Variants in GARRE1 observed in about 807,000 individuals in gnomAD.
GARRE1 encodes granule associated Rac and RHOG effector protein 1.
A neutral mutation model predicts 103.2 loss-of-function variants in GARRE1; 49 were observed. That is an observed-to-expected ratio of 0.47 (90% CI 0.38 to 0.60). The LOEUF is 0.60. Ranked by LOEUF, GARRE1 falls within the 20% of genes least tolerant of loss-of-function variation. The probability of loss-of-function intolerance (pLI) is 0.00; values close to 1 mark genes in which losing one functional copy is unlikely to be tolerated. For missense variants in GARRE1, 1,199 were observed against 1,370.5 expected, an observed-to-expected ratio of 0.87 and a Z score of 1.98; for synonymous variants, 505 against 532.8, an observed-to-expected ratio of 0.95 and a Z score of 0.72.
At chr19:34,307,163 A>T (rs1357815067) in intron 2 of GARRE1, among the ~76,000 whole-genome samples, 1 of 152,018 alleles carries the variant, frequency 6.6e-6, no homozygotes, top group African/African-American at 2.4e-5. Flanking sequence ...AAGAGGGGCC[A>T]CTCTGGTGTC....
At position 34,254,629 on chromosome 19, in the gene GARRE1, CGGCGGGCGCAGGCGGGGGCT is replaced by C. The variant is rs2073658194; in HGVS notation, c.-796+24_-796+43del. On this transcript the variant is annotated intron_variant, in intron 1 of 13. Transcript: ENST00000299505. Reference sequence around the variant, plus strand: ...GCGCGTCGCAGGTGAGGAGCGGGCGCGGCGGGCGCAGGCGGGGGCTGGCGGGCGGGGTCGGGCGGTGGGCG... The same window carrying C: ...GCGCGTCGCAGGTGAGGAGCGGGCGCGGCGGGCGGGGTCGGGCGGTGGGCG... The C allele has an allele frequency of 2.5e-5, 3 of 120,154 alleles. No homozygotes were observed. In the South Asian group the frequency reaches 8.7e-4, roughly 35 times the overall value. 7.4% of individuals were successfully genotyped at this position (120,154 alleles called of 1,614,324 possible). A position where few individuals can be genotyped will look rare whatever the true frequency, so the allele number is the denominator to read the frequency against.
intron 2 of GARRE1, among the ~76,000 whole-genome samples, chr19:34,304,929 C>G (rs1032639226): frequency 6.6e-6 from 1 of 151,654 alleles, no homozygotes; most frequent in Non-Finnish European, 1.5e-5. Flanking sequence ...GTAGCTTGGA[C>G]TGCAGGCGCC....
chr19:34,338,423 G>A (rs1243825488), intron 8 of GARRE1, among the ~76,000 whole-genome samples: 1 of 152,154 alleles, frequency 6.6e-6, no homozygotes, highest in Non-Finnish European at 1.5e-5. Context: ...TGTAGTTCCA[G>A]CTACTTAGGA....
intron 2 of GARRE1, among the ~76,000 whole-genome samples, chr19:34,314,587 G>A (rs1020672215): frequency 5.3e-5 from 8 of 152,172 alleles, no homozygotes; most frequent in African/African-American, 1.7e-4. Flanking sequence ...GTGAAGCAGC[G>A]TGTCTGGGGG....
intron 3 of GARRE1, among the ~76,000 whole-genome samples, chr19:34,325,388 G>A (rs529953991): frequency 6.6e-6 from 1 of 152,128 alleles, no homozygotes; most frequent in African/African-American, 2.4e-5. Context: ...TGGCTCAGGC[G>A]TAGCCTCTCT....
chr19:34,263,386 GA>G (rs1373668624), intron 1 of GARRE1, among the ~76,000 whole-genome samples: 1 of 152,022 alleles, frequency 6.6e-6, no homozygotes, highest in African/African-American at 2.4e-5. Flanking sequence ...TGAGACCCCA[GA>G]AAACCAGGCT....
At chr19:34,314,485 A>G (rs1599769070) in intron 2 of GARRE1, among the ~76,000 whole-genome samples, 1 of 152,160 alleles carries the variant, frequency 6.6e-6, no homozygotes, top group Admixed American at 6.5e-5. Context: ...ATTGATGGTG[A>G]GTATTACTGA....
rs548855489 is a variant in GARRE1, at chr19:34,328,640, C to T, written c.1104+489C>T. ...TTTTTTTGAGACGGAGTTTTACTCTCTCGTCCAGGCTAGAGTACAGTGGTG... is the reference window on the plus strand; with the variant it reads ...TTTTTTTGAGACGGAGTTTTACTCTTTCGTCCAGGCTAGAGTACAGTGGTG... On this transcript the variant is annotated intron_variant, in intron 6 of 13. Coordinates refer to ENST00000299505, the MANE Select transcript of GARRE1 (RefSeq NM_014686.5). Among the ~76,000 whole-genome samples the T allele has an allele frequency of 5.9e-5, 9 of 152,066 alleles. No homozygotes were observed. In the South Asian group the frequency reaches 1.9e-3, roughly 31 times the overall value.
At position 34,300,372 on chromosome 19, in the gene GARRE1, G is replaced by A. The variant is rs1006246462; in HGVS notation, c.-102G>A. On this transcript the variant is annotated 5_prime_UTR_variant, in exon 2 of 14. Coordinates refer to ENST00000299505, the MANE Select transcript of GARRE1 (RefSeq NM_014686.5). ...ATGGAAATGCCTTTTTTAAAACTTC[G>A]ATTTGCAGAACTCCACTATTTTTAT... 1.1e-5 allele frequency: 16 copies of A among 1,393,368 alleles called. No homozygotes were observed. In the South Asian group the frequency reaches 1.4e-4, roughly 12 times the overall value. The allele number at this position is 1,393,368 out of a possible 1,614,324, so 86.3% of individuals were successfully genotyped here. A position where few individuals can be genotyped will look rare whatever the true frequency, so the allele number is the denominator to read the frequency against.
At position 34,355,116 on chromosome 19, in the gene GARRE1, T is replaced by C. The variant is rs146569354; in HGVS notation, c.*2161T>C. On this transcript the variant is annotated 3_prime_UTR_variant, in exon 14 of 14. Coordinates refer to ENST00000299505, the MANE Select transcript of GARRE1 (RefSeq NM_014686.5). ...GTTCCATTATACTGAAGTACTCATG[T>C]TTTAATAGTGCCTCTCCAAAGGCCT... 2.9e-3 allele frequency: 447 copies of C among 152,796 alleles called. 1 individual carries two copies. The highest frequency in any genetic ancestry group is 0.017 in the Middle Eastern group (5 of 294). The allele number at this position is 152,796 out of a possible 1,614,324, so 9.5% of individuals were successfully genotyped here. A position where few individuals can be genotyped will look rare whatever the true frequency, so the allele number is the denominator to read the frequency against.
chr19:34,297,802 A>G (rs1053989705), intron 1 of GARRE1, among the ~76,000 whole-genome samples: 14 of 152,236 alleles, frequency 9.2e-5, no homozygotes, highest in South Asian at 2.1e-4. Flanking sequence ...ACAAGTAGCC[A>G]TTTGATATTT....
intron 1 of GARRE1, among the ~76,000 whole-genome samples, chr19:34,293,546 C>T (rs1169995386): frequency 6.8e-6 from 1 of 148,060 alleles, no homozygotes; most frequent in African/African-American, 2.5e-5. Flanking sequence ...CAGGTGCACA[C>T]CATCATGCCC....
intron 7 of GARRE1, among the ~76,000 whole-genome samples, chr19:34,331,573 A>AG (rs1237852379): frequency 6.6e-6 from 1 of 152,164 alleles, no homozygotes; most frequent in Admixed American, 6.5e-5. Context: ...GAAAAAAAAA[A>AG]CTTTGCCCAG....
chr19:34,319,798 G>T, intron 2 of GARRE1, 109 bp from the exon 3 acceptor site: 1 of 919,396 alleles, frequency 1.1e-6, no homozygotes, highest in Non-Finnish European at 1.8e-6. Context: ...GTATGATTTT[G>T]GATTTCCAGT....
At chr19:34,296,545 C>A in intron 1 of GARRE1, 1 of 1,595,006 alleles carries the variant, frequency 6.3e-7, no homozygotes, top group Non-Finnish European at 8.5e-7. Context: ...TCGGCACGTG[C>A]ACTCATGGCC....
At chr19:34,268,596 T>C (rs1335518199) in intron 1 of GARRE1, among the ~76,000 whole-genome samples, 19 of 152,192 alleles carry the variant, frequency 1.2e-4, no homozygotes, top group Admixed American at 1.2e-3. Flanking sequence ...GACAGACAGC[T>C]AGGTCTGTCC....
chr19:34,284,821 C>T (rs749885967), intron 1 of GARRE1, among the ~76,000 whole-genome samples: 11 of 152,034 alleles, frequency 7.2e-5, no homozygotes, highest in Non-Finnish European at 1.6e-4. Flanking sequence ...GCCTGACAGG[C>T]AGATAAATAT....
chr19:34,314,252 A>G (rs896521988), intron 2 of GARRE1, among the ~76,000 whole-genome samples: 2 of 152,194 alleles, frequency 1.3e-5, no homozygotes, highest in Admixed American at 1.3e-4. Flanking sequence ...TGCTATAAAT[A>G]TAAATATAGA....
At chr19:34,323,067 G>A (rs1470390282) in intron 3 of GARRE1, among the ~76,000 whole-genome samples, 1 of 98,054 alleles carries the variant, frequency 1.0e-5, no homozygotes, top group African/African-American at 4.0e-5. Context: ...GAGTCTCGCT[G>A]TTGCCCAGGC....
Sources: allele counts gnomAD v4.1 joint callset (sites outside exome capture counted in the v4.1 genomes callset), GRCh38; gene constraint gnomAD v4.1.1; transcripts MANE v1.5; gene names NCBI Gene and HGNC (gene_info 2026-07-23, HGNC 2026-07-21).